SGCE: variants seen among roughly 807,000 people sequenced by gnomAD.
The protein encoded by SGCE is epsilon-sarcoglycan.
SGCE carries 26 observed loss-of-function variants against 57.8 expected under a neutral mutation model. The ratio of observed to expected loss-of-function variants is 0.45; its 90% confidence interval spans 0.33 to 0.62. SGCE has a LOEUF of 0.62. SGCE is among the 20% of genes least tolerant of loss of function. The probability of loss-of-function intolerance (pLI) is 0.02; values close to 1 mark genes in which losing one functional copy is unlikely to be tolerated. For synonymous variants in SGCE, 183 were observed against 189.5 expected (o/e 0.97, Z 0.28); for missense variants, 468 against 548.6 (o/e 0.85, Z 1.47).
At chr7:94,592,060 A>G (rs1797765238) in intron 9 of SGCE, among the ~76,000 whole-genome samples, 1 of 152,184 alleles carries the variant, frequency 6.6e-6, no homozygotes, top group African/African-American at 2.4e-5. Flanking sequence ...ATTGGGTACA[A>G]CCTATCTCCT....
At chr7:94,619,900 A>G (rs1273614750) in intron 4 of SGCE, 1 of 152,206 alleles carries the variant, frequency 6.6e-6, no homozygotes, top group Non-Finnish European at 1.5e-5. Context: ...GACTGCATAT[A>G]TAAGGTGCTC....
intron 9 of SGCE, chr7:94,594,421 C>T (rs1048247924): frequency 1.3e-5 from 2 of 152,104 alleles, no homozygotes; most frequent in Non-Finnish European, 2.9e-5. Context: ...GAGGGACATA[C>T]TACACAATAC....
chr7:94,602,024 A>G (rs1799346787), intron 6 of SGCE, among the ~76,000 whole-genome samples: 1 of 152,202 alleles, frequency 6.6e-6, no homozygotes, highest in African/African-American at 2.4e-5. Context: ...ACAGATAAAC[A>G]AAAATCTTCA....
intron 1 of SGCE, among the ~76,000 whole-genome samples, chr7:94,644,013 A>G (rs1806733494): frequency 6.6e-6 from 1 of 152,204 alleles, no homozygotes; most frequent in Non-Finnish European, 1.5e-5. Flanking sequence ...AGGAATCTTA[A>G]AAGGAAGAGA....
chr7:94,604,854 T>TAA (rs1832983897), intron 5 of SGCE, among the ~76,000 whole-genome samples: 2 of 75,660 alleles, frequency 2.6e-5, no homozygotes, highest in African/African-American at 5.0e-5. Flanking sequence ...TATATATATA[T>TAA]ATATAATAGT....
At position 94,598,774 on chromosome 7, in the gene SGCE, C is replaced by CTGCTG; in HGVS notation, c.1249_1253dup (p.Gln418HisfsTer34). 6.3e-7 allele frequency: 1 copy of CTGCTG among 1,599,096 alleles called. No homozygotes were observed. The highest frequency in any genetic ancestry group is 8.6e-7 in the Non-Finnish European group (1 of 1,166,288). On this transcript the variant is annotated frameshift_variant and splice_region_variant. Transcript: ENST00000648936. LOFTEE classifies it high-confidence loss of function. ...AATTATGGCTCTAAGTGGACACTTA[C>CTGCTG]TGCTGCGTTTGCATCAATGGCATGT... is the stretch of plus-strand genomic sequence containing the variant.
intron 10 of SGCE, among the ~76,000 whole-genome samples, chr7:94,586,077 A>AAG (rs1554336374): frequency 6.7e-6 from 1 of 150,342 alleles, no homozygotes; most frequent in Non-Finnish European, 1.5e-5. Flanking sequence ...AAAAAAAAAA[A>AAG]AAAAAAAAAA....
At chr7:94,591,369 A>G (rs1052156107) in intron 9 of SGCE, among the ~76,000 whole-genome samples, 3 of 152,136 alleles carry the variant, frequency 2.0e-5, no homozygotes, top group Admixed American at 6.6e-5. Context: ...AACACAGTGC[A>G]CCTTCTACAC....
chr7:94,585,472 T>A lies in SGCE; in HGVS notation c.*27A>T. ...AACTGCTATATTGTCTGATTATAAA[T>A]TCATTGCTTCAGTCAGTTTTCTTTC... On this transcript the variant is annotated 3_prime_UTR_variant, in exon 11 of 11. Transcript: ENST00000648936. 1 of 1,599,726 alleles carries A rather than the reference T, an allele frequency of 6.3e-7. No homozygotes were observed. Among genetic ancestry groups the A allele is most frequent in the Non-Finnish European group, 8.6e-7 (1 of 1,167,044 alleles).
At chr7:94,593,751 A>T (rs1015221675) in intron 9 of SGCE, among the ~76,000 whole-genome samples, 1 of 152,090 alleles carries the variant, frequency 6.6e-6, no homozygotes, top group Non-Finnish European at 1.5e-5. Flanking sequence ...ATGTGCATGG[A>T]CTGCTATTCT....
chr7:94,627,032 AAATT>A (rs772891568), intron 3 of SGCE: 3 of 152,078 alleles, frequency 2.0e-5, no homozygotes, highest in Non-Finnish European at 4.4e-5. Flanking sequence ...ATATTTAAAA[AAATT>A]AATTTGACAA....
At chr7:94,649,150 A>G (rs1807536892) in intron 1 of SGCE, among the ~76,000 whole-genome samples, 1 of 152,268 alleles carries the variant, frequency 6.6e-6, no homozygotes, top group South Asian at 2.1e-4. Context: ...AGACAATTAG[A>G]TACAAAGTGA....
chr7:94,605,618 G>A (rs1210619129), intron 5 of SGCE, among the ~76,000 whole-genome samples: 1 of 151,916 alleles, frequency 6.6e-6, no homozygotes, highest in Non-Finnish European at 1.5e-5. Flanking sequence ...AATTTGGATT[G>A]GTTATATATG....
At chr7:94,616,076 T>A (rs1801887290) in intron 5 of SGCE, among the ~76,000 whole-genome samples, 2 of 152,118 alleles carry the variant, frequency 1.3e-5, no homozygotes, top group Non-Finnish European at 1.5e-5. Flanking sequence ...TAGGAGAAGT[T>A]TGAAAGCTGT....
At chr7:94,650,505 A>C (rs1305648203) in intron 1 of SGCE, among the ~76,000 whole-genome samples, 3 of 152,174 alleles carry the variant, frequency 2.0e-5, no homozygotes, top group African/African-American at 7.2e-5. Context: ...AATGGGAGAG[A>C]TAGGAGGGTG....
rs1034515557 is a variant in SGCE, at chr7:94,599,537, C to T, written c.1064+160G>A. 1.2e-4 allele frequency: 77 copies of T among 656,730 alleles called. No individual in the cohort carries two copies. The African/African-American group carries it at 1.3e-3, about 11-fold the overall frequency. The allele number at this position is 656,730 out of a possible 1,614,324, so 40.7% of individuals were successfully genotyped here. A position where few individuals can be genotyped will look rare whatever the true frequency, so the allele number is the denominator to read the frequency against. ...CCCTTTTTAGTTTTAGTTTCTACCC[C>T]TCCTAAATATCTCTATTTAGAAAGC... On this transcript the variant is annotated intron_variant, in intron 8 of 10. Transcript: ENST00000648936.
At chr7:94,645,666 G>T (rs990228718) in intron 1 of SGCE, among the ~76,000 whole-genome samples, 2 of 152,020 alleles carry the variant, frequency 1.3e-5, no homozygotes. Flanking sequence ...TTTGTCCATT[G>T]GGCAAGCTAC....
chr7:94,601,129 C>T (rs1477027296), intron 6 of SGCE, among the ~76,000 whole-genome samples: 1 of 151,924 alleles, frequency 6.6e-6, no homozygotes, highest in Non-Finnish European at 1.5e-5. Context: ...AACGTGTGTG[C>T]CTATACGTGT....
chr7:94,655,923 G>A (rs1397448885), intron 1 of SGCE, 67 bp downstream of exon 1: 3 of 1,062,848 alleles, frequency 2.8e-6, no homozygotes, highest in Non-Finnish European at 4.3e-6. Context: ...CCCGGAACCC[G>A]AGCGGGGGAG....
Sources: allele counts gnomAD v4.1 joint callset (sites outside exome capture counted in the v4.1 genomes callset), GRCh38; gene constraint gnomAD v4.1.1; transcripts MANE v1.5; gene names NCBI Gene and HGNC (gene_info 2026-07-23, HGNC 2026-07-21).